The following ZNF618 variants were observed in gnomAD, a reference collection of about 807,000 sequenced individuals.
ZNF618 encodes zinc finger protein 618, also known as neural precursor cell expressed, developmentally down-regulated 10.
Under a neutral mutation model 103.0 loss-of-function variants are expected in ZNF618, and 34 were observed. The observed-to-expected ratio is 0.33, with a 90% confidence interval of 0.25 to 0.44. The LOEUF (loss-of-function observed/expected upper bound fraction) is 0.44. Among genes scored for constraint, ZNF618 ranks in the 20% least tolerant of loss-of-function variants. ZNF618 has a pLI of 1.00. For synonymous variants in ZNF618, 551 were observed against 542.2 expected (o/e 1.02, Z -0.23); for missense variants, 1,059 against 1,295.4 (o/e 0.82, Z 2.80).
intron 2 of ZNF618, among the ~76,000 whole-genome samples, chr9:113,982,064 A>G (rs377024060): frequency 2.0e-5 from 3 of 152,340 alleles, no homozygotes; most frequent in East Asian, 3.9e-4. Context: ...CTGCAGGCAC[A>G]TTGGCCTGGC....
chr9:113,935,405 C>T (rs1039471939), intron 1 of ZNF618, among the ~76,000 whole-genome samples: 6 of 152,132 alleles, frequency 3.9e-5, no homozygotes, highest in Non-Finnish European at 5.9e-5. Context: ...ACAGCTGATG[C>T]CCTCTGAGCT....
intron 1 of ZNF618, among the ~76,000 whole-genome samples, chr9:113,892,006 A>T (rs1409761020): frequency 6.6e-6 from 1 of 152,186 alleles, no homozygotes; most frequent in Non-Finnish European, 1.5e-5. Context: ...TCCCACTCAT[A>T]AGAGAAATTG....
intron 1 of ZNF618, among the ~76,000 whole-genome samples, chr9:113,922,131 C>A (rs746848691): frequency 6.6e-6 from 1 of 152,186 alleles, no homozygotes; most frequent in Non-Finnish European, 1.5e-5. Context: ...TTATTGAACT[C>A]CTACTCTGTG....
At chr9:113,903,198 G>A (rs1830702663) in intron 1 of ZNF618, among the ~76,000 whole-genome samples, 1 of 152,170 alleles carries the variant, frequency 6.6e-6, no homozygotes, top group African/African-American at 2.4e-5. Flanking sequence ...AAATGCATGA[G>A]CGAATACATG....
intron 3 of ZNF618, among the ~76,000 whole-genome samples, chr9:113,995,918 G>A (rs1840545020): frequency 6.6e-6 from 1 of 152,168 alleles, no homozygotes; most frequent in African/African-American, 2.4e-5. Context: ...TGGCACAAGG[G>A]TGAAGGTGAG....
At chr9:114,005,006 A>G (rs958857801) in intron 6 of ZNF618, among the ~76,000 whole-genome samples, 2 of 152,164 alleles carry the variant, frequency 1.3e-5, no homozygotes, top group Admixed American at 6.5e-5. Context: ...TGTCACATTG[A>G]TATTTGTGAC....
chr9:113,995,551 T>C (rs553465002), intron 3 of ZNF618, among the ~76,000 whole-genome samples: 13 of 152,216 alleles, frequency 8.5e-5, no homozygotes, highest in Non-Finnish European at 1.8e-4. Context: ...CAGTCACATA[T>C]GTAAGTAGCT....
intron 13 of ZNF618, among the ~76,000 whole-genome samples, chr9:114,039,040 G>C (rs558424374): frequency 1.1e-4 from 17 of 152,274 alleles, no homozygotes; most frequent in African/African-American, 4.1e-4. Flanking sequence ...TAAGTAACTT[G>C]TCCAAGGCTA....
intron 1 of ZNF618, among the ~76,000 whole-genome samples, chr9:113,942,442 C>T (rs1564196404): frequency 1.3e-5 from 2 of 152,008 alleles, no homozygotes; most frequent in Non-Finnish European, 2.9e-5. Context: ...AGAGAAAGAG[C>T]GGCCTACCTG....
chr9:114,010,266 A>T (rs1388880999), intron 9 of ZNF618, among the ~76,000 whole-genome samples: 1 of 147,208 alleles, frequency 6.8e-6, no homozygotes, highest in Non-Finnish European at 1.5e-5. Context: ...GTGCCACTGC[A>T]CTCCAGCCTG....
At chr9:113,917,560 C>T (rs1361482137) in intron 1 of ZNF618, among the ~76,000 whole-genome samples, 1 of 152,076 alleles carries the variant, frequency 6.6e-6, no homozygotes, top group Non-Finnish European at 1.5e-5. Flanking sequence ...GGCAAGCCTT[C>T]TCTTAAGTAC....
intron 12 of ZNF618, chr9:114,035,224 C>A: frequency 1.0e-6 from 1 of 986,090 alleles, no homozygotes; most frequent in Non-Finnish European, 1.2e-6. Flanking sequence ...AACCCTTTCC[C>A]TCTCCTACAG....
At chr9:113,958,240 C>A (rs990190706) in intron 1 of ZNF618, among the ~76,000 whole-genome samples, 6 of 152,174 alleles carry the variant, frequency 3.9e-5, no homozygotes, top group Non-Finnish European at 2.9e-5. Flanking sequence ...CTCGGAGTAT[C>A]TGGGTTGGAG....
At chr9:113,885,813 A>G (rs1829011883) in intron 1 of ZNF618, among the ~76,000 whole-genome samples, 1 of 152,318 alleles carries the variant, frequency 6.6e-6, no homozygotes, top group Admixed American at 6.5e-5. Flanking sequence ...CTCCTTTCTT[A>G]AAAAGGAAAG....
intron 2 of ZNF618, among the ~76,000 whole-genome samples, chr9:113,977,352 T>A (rs1406194589): frequency 2.0e-5 from 3 of 152,166 alleles, no homozygotes; most frequent in African/African-American, 7.2e-5. Context: ...AAGGAGTAGT[T>A]GCTAAGTCAT....
chr9:113,879,461 T>C (rs1203107121), intron 1 of ZNF618, among the ~76,000 whole-genome samples: 1 of 147,454 alleles, frequency 6.8e-6, no homozygotes, highest in Admixed American at 6.9e-5. Context: ...TAGAGGTGCA[T>C]GATGGTTCTA....
chr9:113,900,313 C>T (rs1482636137), intron 1 of ZNF618, among the ~76,000 whole-genome samples: 1 of 152,150 alleles, frequency 6.6e-6, no homozygotes, highest in South Asian at 2.1e-4. Flanking sequence ...CTGCCCACCT[C>T]GGCCTCCCAA....
At chr9:114,038,166 G>T (rs1343408961) in intron 13 of ZNF618, among the ~76,000 whole-genome samples, 1 of 152,204 alleles carries the variant, frequency 6.6e-6, no homozygotes, top group African/African-American at 2.4e-5. Flanking sequence ...GCTTGGTCCT[G>T]AGACTCCCAC....
chr9:113,993,021 G>A (rs1159963967), intron 3 of ZNF618, among the ~76,000 whole-genome samples: 2 of 152,200 alleles, frequency 1.3e-5, no homozygotes, highest in Non-Finnish European at 2.9e-5. Flanking sequence ...AAGAAGAGCA[G>A]AGATGATAGA....
Sources: gnomAD v4.1 joint callset for allele counts (sites outside exome capture counted in the v4.1 genomes callset) on GRCh38, gnomAD v4.1.1 for gene constraint, MANE v1.5 for transcripts, NCBI Gene and HGNC (gene_info 2026-07-23, HGNC 2026-07-21) for gene names.